The following PPP1R42 variants were observed in gnomAD, a reference collection of about 807,000 sequenced individuals.
PPP1R42 encodes leucine rich repeat containing 67.
In PPP1R42, 34 loss-of-function variants were observed where a neutral mutation model predicts 31.0. That is an observed-to-expected ratio of 1.10 (90% CI 0.83 to 1.46). PPP1R42 has a LOEUF of 1.46. Ranked by LOEUF, PPP1R42 falls within the 40% of genes most tolerant of loss-of-function variation. The pLI is 0.00. For missense variants in PPP1R42, 268 were observed against 303.0 expected, an observed-to-expected ratio of 0.88 and a Z score of 0.86; for synonymous variants, 103 against 109.8, an observed-to-expected ratio of 0.94 and a Z score of 0.39.
chr8:66,969,151 G>T (rs767048084), intron 7 of PPP1R42, among the ~76,000 whole-genome samples: 41 of 152,164 alleles, frequency 2.7e-4, no homozygotes, highest in Non-Finnish European at 5.0e-4. Flanking sequence ...TTTGCTTGGG[G>T]CTACAGAATA....
At chr8:66,972,244 G>T (rs1434207352) in intron 7 of PPP1R42, among the ~76,000 whole-genome samples, 1 of 152,142 alleles carries the variant, frequency 6.6e-6, no homozygotes, top group Non-Finnish European at 1.5e-5. Flanking sequence ...CCATCTGTTT[G>T]GATGGGGATG....
At chr8:66,983,360 T>C (rs1392438422) in intron 6 of PPP1R42, among the ~76,000 whole-genome samples, 2 of 152,260 alleles carry the variant, frequency 1.3e-5, no homozygotes, top group East Asian at 3.9e-4. Context: ...TTATAAAATA[T>C]TGAACAATTC....
At chr8:66,974,719 A>C (rs536040510) in intron 7 of PPP1R42, among the ~76,000 whole-genome samples, 3 of 152,308 alleles carry the variant, frequency 2.0e-5, no homozygotes, top group African/African-American at 7.2e-5. Flanking sequence ...TGGAGGAACA[A>C]AAACCACTAT....
rs374269105 is a variant in PPP1R42, at chr8:66,966,401, G to C, written c.803-2067C>G. ...GCTCATGGCAACTGTGTGACGTTGG[G>C]TCCTTCTGATTGTACCTCTTCAAGC... On this transcript the variant is annotated intron_variant, in intron 7 of 7. Transcript: ENST00000685739. Among the ~76,000 whole-genome samples, 17 of 152,286 alleles carry C rather than the reference G, an allele frequency of 1.1e-4. No individual in the cohort carries two copies. In the South Asian group the frequency reaches 3.5e-3, roughly 32 times the overall value.
chr8:66,972,714 T>G (rs1327281154), intron 7 of PPP1R42, among the ~76,000 whole-genome samples: 2 of 152,146 alleles, frequency 1.3e-5, no homozygotes, highest in South Asian at 2.1e-4. Context: ...ATATAGTAAA[T>G]TATGTAATCT....
intron 7 of PPP1R42, among the ~76,000 whole-genome samples, chr8:66,968,757 A>G (rs1162783786): frequency 6.6e-6 from 1 of 152,178 alleles, no homozygotes; most frequent in East Asian, 1.9e-4. Context: ...TATTAAAGAG[A>G]GGTAGAACTG....
At chr8:66,985,408 A>T in intron 6 of PPP1R42, 1 of 752,924 alleles carries the variant, frequency 1.3e-6, no homozygotes. Context: ...GCAGTGTGTC[A>T]GCTCAATCTC....
At chr8:66,965,277 A>G (rs1008126233) in intron 7 of PPP1R42, among the ~76,000 whole-genome samples, 4 of 151,766 alleles carry the variant, frequency 2.6e-5, no homozygotes, top group African/African-American at 9.7e-5. Context: ...AAAAAAAAAA[A>G]AAAAGAAAAC....
At chr8:66,993,870 G>A (rs972417926) in intron 5 of PPP1R42, among the ~76,000 whole-genome samples, 13 of 152,284 alleles carry the variant, frequency 8.5e-5, no homozygotes, top group African/African-American at 3.1e-4. Context: ...GAACAAGAGA[G>A]GGCCAGGTGA....
At chr8:67,000,813 C>G (rs181535075) in intron 5 of PPP1R42, among the ~76,000 whole-genome samples, 5 of 152,176 alleles carry the variant, frequency 3.3e-5, no homozygotes, top group Non-Finnish European at 7.3e-5. Context: ...TAAATTAGAT[C>G]AAGTTGGTTG....
chr8:67,003,166 CAAAA>C (rs529377387), intron 5 of PPP1R42, among the ~76,000 whole-genome samples: 2 of 57,706 alleles, frequency 3.5e-5, no homozygotes, highest in African/African-American at 1.1e-4. Context: ...AACTCCGTCT[CAAAA>C]AAAAAAAAAA....
rs1243943288 is a variant in PPP1R42 at position 66,972,045 on chromosome 8, A to G, written c.803-7711T>C. On this transcript the variant is annotated intron_variant, in intron 7 of 7. Transcript: ENST00000685739. The stretch of plus-strand genomic sequence containing the variant: ...AAAGGTAGGTATACTGTAGATTTTG[A>G]AAATACATAATATATTTTCTAGATT... Among the ~76,000 whole-genome samples the G allele has an allele frequency of 2.0e-5, 3 of 152,260 alleles. No individual in the cohort carries two copies. In the East Asian group the frequency reaches 5.8e-4, roughly 29 times the overall value.
intron 2 of PPP1R42, among the ~76,000 whole-genome samples, chr8:67,016,607 C>CT (rs996836372): frequency 2.6e-5 from 4 of 152,164 alleles, no homozygotes; most frequent in Non-Finnish European, 5.9e-5. Flanking sequence ...CTGTTAAACT[C>CT]TTTTTTTCTT....
intron 6 of PPP1R42, among the ~76,000 whole-genome samples, chr8:66,987,718 T>C (rs1000769076): frequency 6.6e-6 from 1 of 152,206 alleles, no homozygotes; most frequent in Non-Finnish European, 1.5e-5. Context: ...ATACAAAATT[T>C]GCTTCCACTC....
At chr8:67,005,296 T>G (rs1815639793) in intron 5 of PPP1R42, among the ~76,000 whole-genome samples, 1 of 152,028 alleles carries the variant, frequency 6.6e-6, no homozygotes, top group South Asian at 2.1e-4. Context: ...AGGTGGCCAC[T>G]CCCTCTTTCT....
chr8:67,004,909 T>C (rs1305577278), intron 5 of PPP1R42, among the ~76,000 whole-genome samples: 3 of 152,130 alleles, frequency 2.0e-5, no homozygotes, highest in Non-Finnish European at 4.4e-5. Flanking sequence ...TCTGAAACTC[T>C]TAAATATCAG....
At chr8:66,990,291 C>T (rs1034806751) in intron 5 of PPP1R42, among the ~76,000 whole-genome samples, 9 of 149,702 alleles carry the variant, frequency 6.0e-5, no homozygotes, top group Non-Finnish European at 8.8e-5. Flanking sequence ...ACTTAGAGAA[C>T]GTTAAATTAA....
At chr8:66,992,430 A>AAACATCTAACTAATAG (rs1563421464) in intron 5 of PPP1R42, among the ~76,000 whole-genome samples, 1 of 152,168 alleles carries the variant, frequency 6.6e-6, no homozygotes, top group Non-Finnish European at 1.5e-5. Context: ...ACTACTAATA[A>AAACATCTAACTAATAG]AACATCTAAC....
rs1814859752 is a variant in PPP1R42 at position 66,982,111 on chromosome 8, T to G, written c.740A>C (p.Asp247Ala). ...CCTTTTTTTGCTGATTTTCTTGGCATCTTTGGATGCTTTCCAATTCATTAG... is the reference window on the plus strand; with the variant it reads ...CCTTTTTTTGCTGATTTTCTTGGCAGCTTTGGATGCTTTCCAATTCATTAG... ...QFLMNWKASK[D>A]AKKISKKRSS... is the part of the protein sequence containing the mutation. The change falls in exon 7 of 8, where the codon GAT (aspartate) becomes GCT (alanine). Residue 247 changes from aspartate (D) to alanine (A), a missense_variant. Physicochemically the swap from Asp to Ala is moderately radical, Grantham distance 126. Coordinates refer to ENST00000685739, the MANE Select transcript of PPP1R42 (RefSeq NM_001364910.1). 17 of 1,494,708 alleles carry G rather than the reference T, an allele frequency of 1.1e-5. No homozygotes were observed. Among genetic ancestry groups the G allele is most frequent in the Non-Finnish European group, 1.5e-5 (17 of 1,134,002 alleles). The allele number at this position is 1,494,708 out of a possible 1,614,324, so 92.6% of individuals were successfully genotyped here. A position where few individuals can be genotyped will look rare whatever the true frequency, so the allele number is the denominator to read the frequency against.
Sources: allele counts gnomAD v4.1 joint callset (sites outside exome capture counted in the v4.1 genomes callset), GRCh38; gene constraint gnomAD v4.1.1; transcripts MANE v1.5; gene names NCBI Gene and HGNC (gene_info 2026-07-23, HGNC 2026-07-21).